The following GPR39 variants were observed in gnomAD, a reference collection of about 807,000 sequenced individuals.
GPR39 encodes the protein zinc sensing receptor.
A neutral mutation model predicts 18.4 loss-of-function variants in GPR39; 23 were observed. The observed-to-expected ratio is 1.25, with a 90% CI of 0.90 to 1.77. The LOEUF (loss-of-function observed/expected upper bound fraction) is 1.77, where lower values mean the gene tolerates loss of function less well. GPR39 is among the 40% of genes most tolerant of loss of function. The pLI is 0.00. For synonymous variants in GPR39, 280 were observed against 257.9 expected, an observed-to-expected ratio of 1.09 and a Z score of -0.82; for missense variants, 647 against 602.4, an observed-to-expected ratio of 1.07 and a Z score of -0.78.
intron 1 of GPR39, among the ~76,000 whole-genome samples, chr2:132,558,264 AC>A (rs1362374391): frequency 6.6e-6 from 1 of 152,044 alleles, no homozygotes. Flanking sequence ...GACTAGCAAT[AC>A]CTGCTCTGTT....
chr2:132,559,073 A>G (rs190385953), intron 1 of GPR39, among the ~76,000 whole-genome samples: 13 of 152,356 alleles, frequency 8.5e-5, no homozygotes, highest in Admixed American at 7.8e-4. Flanking sequence ...TCTCCTTGCT[A>G]TAATAGAAAA....
intron 1 of GPR39, among the ~76,000 whole-genome samples, chr2:132,519,377 A>G (rs1191918464): frequency 6.6e-6 from 1 of 152,242 alleles, no homozygotes; most frequent in Admixed American, 6.5e-5. Flanking sequence ...CAAATAGGGC[A>G]TGAAGCATAT....
chr2:132,596,731 C>T (rs1680956619), intron 1 of GPR39, among the ~76,000 whole-genome samples: 2 of 152,178 alleles, frequency 1.3e-5, no homozygotes, highest in South Asian at 4.1e-4. Flanking sequence ...TGGCTTGGAA[C>T]ATTATATCAC....
At chr2:132,550,597 A>G (rs1292891449) in intron 1 of GPR39, among the ~76,000 whole-genome samples, 3 of 152,244 alleles carry the variant, frequency 2.0e-5, no homozygotes, top group African/African-American at 4.8e-5. Flanking sequence ...TTAGGAGGCT[A>G]CAGAAGAATT....
chr2:132,492,920 T>TATATATACACCATATATACACACC (rs1330294288), intron 1 of GPR39, among the ~76,000 whole-genome samples: 1 of 140,950 alleles, frequency 7.1e-6, no homozygotes, highest in African/African-American at 2.6e-5. Flanking sequence ...CCATATACCA[T>TATATATACACCATATATACACACC]ATATATACAC....
chr2:132,524,784 T>C (rs1248319528), intron 1 of GPR39, among the ~76,000 whole-genome samples: 2 of 152,116 alleles, frequency 1.3e-5, no homozygotes, highest in Admixed American at 1.3e-4. Flanking sequence ...GCACAGAGAA[T>C]AGTATTATTA....
chr2:132,499,521 G>GT (rs1296132632), intron 1 of GPR39, among the ~76,000 whole-genome samples: 1 of 151,594 alleles, frequency 6.6e-6, no homozygotes, highest in Non-Finnish European at 1.5e-5. Context: ...GTTGTTGTTT[G>GT]TTTTTTGCTT....
chr2:132,607,244 T>C (rs1681156931), intron 1 of GPR39, among the ~76,000 whole-genome samples: 1 of 152,228 alleles, frequency 6.6e-6, no homozygotes, highest in African/African-American at 2.4e-5. Flanking sequence ...TTTTTAAAAG[T>C]AATTCTAGCT....
At chr2:132,550,671 G>A (rs1303491154) in intron 1 of GPR39, among the ~76,000 whole-genome samples, 2 of 152,164 alleles carry the variant, frequency 1.3e-5, no homozygotes, top group African/African-American at 4.8e-5. Flanking sequence ...ATCTGAAGGG[G>A]ACCCCAGGAG....
At chr2:132,443,135 A>G (rs1466133419) in intron 1 of GPR39, among the ~76,000 whole-genome samples, 1 of 152,222 alleles carries the variant, frequency 6.6e-6, no homozygotes, top group Non-Finnish European at 1.5e-5. Context: ...AATTTTATAC[A>G]TTGAATACAA....
chr2:132,475,486 A>T (rs1212423549), intron 1 of GPR39, among the ~76,000 whole-genome samples: 1 of 151,832 alleles, frequency 6.6e-6, no homozygotes, highest in East Asian at 1.9e-4. Context: ...TGATTGAGGG[A>T]GGTGGGGGAA....
At chr2:132,609,725 G>A (rs960209916) in intron 1 of GPR39, among the ~76,000 whole-genome samples, 2 of 152,146 alleles carry the variant, frequency 1.3e-5, no homozygotes, top group African/African-American at 4.8e-5. Context: ...TCTGCCAAAA[G>A]ACCCTCTGCC....
chr2:132,617,886 A>C (rs1003659561), intron 1 of GPR39, among the ~76,000 whole-genome samples: 5 of 152,194 alleles, frequency 3.3e-5, no homozygotes, highest in South Asian at 2.1e-4. Flanking sequence ...AGAAGGAGAT[A>C]ATGGAACAGG....
At chr2:132,549,702 C>T (rs568704748) in intron 1 of GPR39, among the ~76,000 whole-genome samples, 14 of 152,052 alleles carry the variant, frequency 9.2e-5, no homozygotes, top group East Asian at 1.9e-4. Context: ...GCAGGAGAAT[C>T]GCTTGAACCC....
intron 1 of GPR39, among the ~76,000 whole-genome samples, chr2:132,452,396 T>C (rs948713545): frequency 1.3e-5 from 2 of 152,214 alleles, no homozygotes; most frequent in Non-Finnish European, 2.9e-5. Context: ...TCATTTTCTT[T>C]CTAATCCCTT....
intron 1 of GPR39, among the ~76,000 whole-genome samples, chr2:132,473,458 CAAG>C (rs947294419): frequency 1.4e-4 from 21 of 152,078 alleles, no homozygotes; most frequent in African/African-American, 5.1e-4. Context: ...TAGATTATGA[CAAG>C]AAAATTAACA....
At chr2:132,618,598 G>C (rs988172974) in intron 1 of GPR39, among the ~76,000 whole-genome samples, 9 of 152,104 alleles carry the variant, frequency 5.9e-5, no homozygotes, top group African/African-American at 2.2e-4. Flanking sequence ...GGGAAACCGA[G>C]GCCACTGCTG....
chr2:132,510,110 GT>G (rs1181819115), intron 1 of GPR39, among the ~76,000 whole-genome samples: 4 of 152,224 alleles, frequency 2.6e-5, no homozygotes, highest in Admixed American at 2.6e-4. Flanking sequence ...GGTTGAGATG[GT>G]TGGTCATAAC....
chr2:132,546,039 C>T (rs1433468016), intron 1 of GPR39, among the ~76,000 whole-genome samples: 1 of 152,184 alleles, frequency 6.6e-6, no homozygotes, highest in African/African-American at 2.4e-5. Context: ...CCATAACTGG[C>T]ATGAAGAATA....
Sources: allele counts gnomAD v4.1 joint callset (sites outside exome capture counted in the v4.1 genomes callset), GRCh38; gene constraint gnomAD v4.1.1; transcripts MANE v1.5; gene names NCBI Gene and HGNC (gene_info 2026-07-23, HGNC 2026-07-21).